GPR149: variants seen among roughly 807,000 people sequenced by gnomAD.
GPR149 encodes the protein G protein-coupled receptor 149, also known as probable G protein-coupled receptor 149.
GPR149 carries 50 observed loss-of-function variants against 50.2 expected under a neutral mutation model. That is an observed-to-expected ratio of 1.00 (90% CI 0.79 to 1.26). GPR149 has a LOEUF of 1.26. Ranked by LOEUF, GPR149 falls within the 50% of genes most tolerant of loss-of-function variation. GPR149 has a pLI of 0.00. For missense variants in GPR149, 983 were observed against 895.4 expected, an observed-to-expected ratio of 1.10 and a Z score of -1.25; for synonymous variants, 405 against 358.2, an observed-to-expected ratio of 1.13 and a Z score of -1.48.
intron 3 of GPR149, among the ~76,000 whole-genome samples, chr3:154,363,001 A>C (rs1714449758): frequency 6.6e-6 from 1 of 152,196 alleles, no homozygotes; most frequent in African/African-American, 2.4e-5. Context: ...GACTCCTCTA[A>C]GAAGAATCTG....
chr3:154,407,491 AG>A (rs1711725383), intron 3 of GPR149, among the ~76,000 whole-genome samples: 1 of 152,150 alleles, frequency 6.6e-6, no homozygotes, highest in Non-Finnish European at 1.5e-5. Flanking sequence ...TGTGGATAAA[AG>A]CCTGTTTTTT....
chr3:154,356,798 C>A (rs1433605675), intron 3 of GPR149, among the ~76,000 whole-genome samples: 1 of 152,084 alleles, frequency 6.6e-6, no homozygotes, highest in Non-Finnish European at 1.5e-5. Context: ...ATCAAGCTAC[C>A]AATGACTTTC....
chr3:154,399,076 A>C (rs1715360752), intron 3 of GPR149, among the ~76,000 whole-genome samples: 1 of 152,164 alleles, frequency 6.6e-6, no homozygotes, highest in African/African-American at 2.4e-5. Flanking sequence ...AGAAACACTA[A>C]ATGCTAGTCC....
intron 3 of GPR149, among the ~76,000 whole-genome samples, chr3:154,394,991 A>C (rs1432971211): frequency 2.0e-5 from 3 of 152,186 alleles, no homozygotes; most frequent in Non-Finnish European, 4.4e-5. Flanking sequence ...TTTATAAAAC[A>C]AATAATTGCC....
At position 154,335,547 on chromosome 3, in the gene GPR149, A is replaced by C. The variant is rs1713635748; in HGVS notation, c.*2152T>G. ...AATACTGGTGTTGTTTCAATGCAGC[A>C]GAATTTTTATGTGCATCCATTATAC... is the stretch of plus-strand genomic sequence containing the variant. On this transcript the variant is annotated 3_prime_UTR_variant, in exon 4 of 4. Coordinates refer to ENST00000389740, the MANE Select transcript of GPR149 (RefSeq NM_001038705.3). 1 of 152,174 alleles carries C rather than the reference A, an allele frequency of 6.6e-6. No individual in the cohort carries two copies. Among genetic ancestry groups the C allele is most frequent in the Non-Finnish European group, 1.5e-5 (1 of 67,998 alleles). 9.4% of individuals were successfully genotyped at this position (152,174 alleles called of 1,614,324 possible). A position where few individuals can be genotyped will look rare whatever the true frequency, so the allele number is the denominator to read the frequency against.
chr3:154,411,601 G>A (rs1035700099), intron 3 of GPR149, among the ~76,000 whole-genome samples: 5 of 152,026 alleles, frequency 3.3e-5, no homozygotes, highest in African/African-American at 4.8e-5. Context: ...TAACCTAGAG[G>A]AGATGAATAA....
At chr3:154,342,789 A>T (rs904066922) in intron 3 of GPR149, among the ~76,000 whole-genome samples, 3 of 152,186 alleles carry the variant, frequency 2.0e-5, no homozygotes, top group Non-Finnish European at 4.4e-5. Context: ...AAACAGAAAA[A>T]AACCCCAGCA....
At position 154,337,969 on chromosome 3, in the gene GPR149, C is replaced by G; in HGVS notation, c.1926G>C (p.Gln642His). The G allele has an allele frequency of 1.9e-6, 3 of 1,614,060 alleles. No homozygotes were observed. The highest frequency in any genetic ancestry group is 2.5e-6 in the Non-Finnish European group (3 of 1,179,984). Residue 642 changes from glutamine to histidine, a missense_variant, in exon 4 of 4, where the codon CAG becomes CAC. By Grantham distance (24) the Gln-to-His change is conservative. Coordinates refer to ENST00000389740, the MANE Select transcript of GPR149 (RefSeq NM_001038705.3). Reference protein sequence around the residue: ...DTVSIISNISQSSTQVRSPSL... With the variant: ...DTVSIISNISHSSTQVRSPSL... ...ATGGAGATCTGACTTGTGTGGAGGACTGACTGATGTTACTAATGATTGACA... is the reference window on the plus strand; with the variant it reads ...ATGGAGATCTGACTTGTGTGGAGGAGTGACTGATGTTACTAATGATTGACA...
At chr3:154,384,826 T>G (rs1195287157) in intron 3 of GPR149, among the ~76,000 whole-genome samples, 1 of 152,218 alleles carries the variant, frequency 6.6e-6, no homozygotes, top group Non-Finnish European at 1.5e-5. Context: ...ATTGGAATTC[T>G]AACATCAGGA....
intron 2 of GPR149, among the ~76,000 whole-genome samples, chr3:154,422,507 A>G (rs116232587): frequency 0.013 from 1,959 of 151,802 alleles, 25 homozygotes; most frequent in Non-Finnish European, 0.019. Flanking sequence ...TATCTTCGAT[A>G]GAAAAAAATG....
rs187898525 is a variant in GPR149 at position 154,337,284 on chromosome 3, T to C, written c.*415A>G. 1.4e-3 allele frequency among the ~76,000 whole-genome samples: 206 copies of C among 152,296 alleles called. 3 individuals are homozygous for C. Among genetic ancestry groups the C allele is most frequent in the Admixed American group, 0.011 (173 of 15,296 alleles). Reference sequence around the variant, plus strand: ...ATATAATTTGGGGTTTTGTTACATTTCTTCCATTCCCAGAATTCCTCTTTT... The same window carrying C: ...ATATAATTTGGGGTTTTGTTACATTCCTTCCATTCCCAGAATTCCTCTTTT... On this transcript the variant is annotated 3_prime_UTR_variant, in exon 4 of 4. Coordinates refer to ENST00000389740, the MANE Select transcript of GPR149 (RefSeq NM_001038705.3).
At chr3:154,422,361 A>G (rs1266810428) in intron 2 of GPR149, among the ~76,000 whole-genome samples, 1 of 151,692 alleles carries the variant, frequency 6.6e-6, no homozygotes, top group Non-Finnish European at 1.5e-5. Context: ...TAAGTTTTAT[A>G]TATTAAGAAT....
chr3:154,399,714 T>G (rs1186402474), intron 3 of GPR149, among the ~76,000 whole-genome samples: 10 of 152,226 alleles, frequency 6.6e-5, no homozygotes, highest in Admixed American at 6.5e-4. Flanking sequence ...AGGCATGGCC[T>G]GAGGTATCTT....
intron 3 of GPR149, among the ~76,000 whole-genome samples, chr3:154,397,946 A>G (rs1715332145): frequency 6.6e-6 from 1 of 152,146 alleles, no homozygotes; most frequent in Non-Finnish European, 1.5e-5. Flanking sequence ...GTAAAAATCA[A>G]CCAAAGTATT....
At chr3:154,374,507 G>T (rs1218800089) in intron 3 of GPR149, among the ~76,000 whole-genome samples, 2 of 151,934 alleles carry the variant, frequency 1.3e-5, no homozygotes, top group Non-Finnish European at 2.9e-5. Context: ...GTCCCCAAAT[G>T]GTAGGTAGCT....
intron 3 of GPR149, among the ~76,000 whole-genome samples, chr3:154,377,584 T>C (rs1714823249): frequency 6.6e-6 from 1 of 152,044 alleles, no homozygotes; most frequent in East Asian, 1.9e-4. Context: ...CAGGCTGGTC[T>C]TGAACTCCTG....
rs960683593 is a variant in GPR149 at position 154,421,173 on chromosome 3, C to T, written c.1489G>A (p.Gly497Arg). Residue 497 changes from glycine to arginine, a missense_variant, in exon 3 of 4, where the codon GGA becomes AGA. By Grantham distance (125) the Gly-to-Arg change is moderately radical. Transcript: ENST00000389740. Reference protein sequence around the residue: ...NKKDAFSDKTGGDINYEETTF... With the variant: ...NKKDAFSDKTRGDINYEETTF... Reference sequence around the variant, plus strand: ...GTTTCTTCATAGTTAATATCACCTCCTGTTTTGTCAGAAAACGCATCCTTT... The same window carrying T: ...GTTTCTTCATAGTTAATATCACCTCTTGTTTTGTCAGAAAACGCATCCTTT... The T allele has an allele frequency of 6.2e-7, 1 of 1,613,390 alleles. No individual in the cohort carries two copies. The highest frequency in any genetic ancestry group is 8.5e-7 in the Non-Finnish European group (1 of 1,179,596).
At chr3:154,352,624 G>T (rs1221150117) in intron 3 of GPR149, 5 of 777,730 alleles carry the variant, frequency 6.4e-6, no homozygotes, top group Non-Finnish European at 1.2e-5. Flanking sequence ...AAAACTTGAT[G>T]CACCAGAAAT....
chr3:154,360,666 G>T (rs1714357308), intron 3 of GPR149, among the ~76,000 whole-genome samples: 1 of 152,046 alleles, frequency 6.6e-6, no homozygotes, highest in South Asian at 2.1e-4. Context: ...TTAATATGAG[G>T]CAGATACTAC....
Sources: gnomAD v4.1 joint callset for allele counts (sites outside exome capture counted in the v4.1 genomes callset) on GRCh38, gnomAD v4.1.1 for gene constraint, MANE v1.5 for transcripts, NCBI Gene and HGNC (gene_info 2026-07-23, HGNC 2026-07-21) for gene names.